The following MICAL1 variants were observed in gnomAD, a reference collection of about 807,000 sequenced individuals.
MICAL1 encodes the protein [F-actin]-monooxygenase MICAL1.
MICAL1 carries 95 observed loss-of-function variants against 131.8 expected under a neutral mutation model. The observed-to-expected ratio is 0.72, with a 90% confidence interval of 0.61 to 0.86. MICAL1 has a LOEUF of 0.86. Among genes scored for constraint, MICAL1 ranks in the 40% least tolerant of loss-of-function variants. The probability of loss-of-function intolerance (pLI) is 0.00; values close to 1 mark genes in which losing one functional copy is unlikely to be tolerated. For synonymous variants in MICAL1, 546 were observed against 554.2 expected (o/e 0.99, Z 0.21); for missense variants, 1,292 against 1,380.6 (o/e 0.94, Z 1.02).
In MICAL1 at chr6:109,452,100, G is replaced by GACAGGTTAA. The variant is rs2115336651; in HGVS notation, c.832+145_832+146insTTAACCTGT. 6 of 1,440,980 alleles carry GACAGGTTAA rather than the reference G, an allele frequency of 4.2e-6. No individual in the cohort carries two copies. In the East Asian group the frequency reaches 1.5e-4, roughly 35 times the overall value. The allele number at this position is 1,440,980 out of a possible 1,614,324, so 89.3% of individuals were successfully genotyped here. ...GCTGTGCTTGCTTAATCCCTGAGGG[G>GACAGGTTAA]ACAGGTTCCTTCTCCTTTGCTGCTG... On this transcript the variant is annotated intron_variant, in intron 6 of 24. Transcript: ENST00000358807.
At chr6:109,445,050 G>A in intron 22 of MICAL1, 55 bp from the exon 23 acceptor site, 1 of 1,595,814 alleles carries the variant, frequency 6.3e-7, no homozygotes, top group Middle Eastern at 1.8e-4. Flanking sequence ...CAGCACCACA[G>A]GAGTTACAGG....
At chr6:109,447,567 G>T (rs1270174570) in intron 15 of MICAL1, 114 bp downstream of exon 15, 12 of 1,544,370 alleles carry the variant, frequency 7.8e-6, no homozygotes, top group South Asian at 1.1e-5. Context: ...TGGATGGGGG[G>T]GTTACAGGAC....
chr6:109,458,123 GAAAA>G (rs34496161), upstream of MICAL1, among the ~76,000 whole-genome samples: 4 of 137,426 alleles, frequency 2.9e-5, no homozygotes, highest in Admixed American at 7.2e-5. Flanking sequence ...TTTCTTCCAA[GAAAA>G]AAAAAAAAAA....
Position 109,444,155 on chromosome 6 carries a change from T to G in MICAL1, c.*36A>C, listed in dbSNP as rs759787505. The G allele has an allele frequency of 7.5e-6, 12 of 1,601,044 alleles. No homozygotes were observed. In the South Asian group the frequency reaches 1.2e-4, roughly 16 times the overall value. ...GGCACTGTGCTGGGGTGAGGTGCTT[T>G]CTTTGTGGGAACGAAAGCAGACGGC... On this transcript the variant is annotated 3_prime_UTR_variant, in exon 25 of 25. Coordinates refer to ENST00000358807, the MANE Select transcript of MICAL1 (RefSeq NM_022765.4).
upstream of MICAL1, among the ~76,000 whole-genome samples, chr6:109,459,642 T>TA (rs1462807191): frequency 1.3e-5 from 2 of 152,190 alleles, no homozygotes; most frequent in African/African-American, 4.8e-5. Flanking sequence ...TATGATTTCA[T>TA]AGATTCTGAG....
Position 109,444,906 on chromosome 6 carries a change from G to C in MICAL1, c.2971C>G (p.Leu991Val). Residue 991 changes from leucine to valine, a missense_variant, in exon 23 of 25, where the codon CTC (leucine) becomes GTC (valine). By Grantham distance (32) the Leu-to-Val change is conservative. Coordinates refer to ENST00000358807, the MANE Select transcript of MICAL1 (RefSeq NM_022765.4). ...KNSLVAEEAE[L>V]MITVQELNLE... The stretch of plus-strand genomic sequence containing the variant: ...TCCCCTTCCCCTTACGTGATCATGA[G>C]CTCGGCCTCCTCAGCCACCAGGCTG... 1 of 1,614,180 alleles carries C rather than the reference G, an allele frequency of 6.2e-7. No individual in the cohort carries two copies. The highest frequency in any genetic ancestry group is 8.5e-7 in the Non-Finnish European group (1 of 1,180,038).
chr6:109,452,540 G>A lies in MICAL1; in HGVS notation c.647C>T (p.Ser216Leu), dbSNP rs1289209410. 3.7e-6 allele frequency: 6 copies of A among 1,614,042 alleles called. No individual in the cohort carries two copies. The South Asian group carries it at 4.4e-5, about 12-fold the overall frequency. ...LANYEFDVLI[S>L]AAGGKFVPEG... ...AGGGACGAATTTACCTCCTGCAGCCGAGATAAGGACGTCAAATTCATAGTT... is the reference window on the plus strand; with the variant it reads ...AGGGACGAATTTACCTCCTGCAGCCAAGATAAGGACGTCAAATTCATAGTT... The change falls in exon 5 of 25, where the codon TCG becomes TTG. Residue 216 changes from serine (S) to leucine (L), a missense_variant. Transcript: ENST00000358807.
chr6:109,463,868 C>T (rs1014647086), intron 1 of MICAL1: 4 of 152,148 alleles, frequency 2.6e-5, no homozygotes, highest in East Asian at 3.8e-4. Context: ...GCTACTAGAA[C>T]ATTTAAAGTG....
intron 22 of MICAL1, 69 bp from the exon 23 acceptor site, chr6:109,445,064 AG>A: frequency 6.3e-7 from 1 of 1,583,970 alleles, no homozygotes. Context: ...TTACAGGCTT[AG>A]GGGAGACAGG....
upstream of MICAL1, among the ~76,000 whole-genome samples, chr6:109,456,641 C>T (rs1478080390): frequency 6.6e-6 from 1 of 152,140 alleles, no homozygotes; most frequent in Non-Finnish European, 1.5e-5. Context: ...CTGGAGAGGC[C>T]TTTGGGATCA....
At chr6:109,448,943 C>T (rs1775380296) in intron 11 of MICAL1, 64 bp from the exon 12 acceptor site, 6 of 1,590,224 alleles carry the variant, frequency 3.8e-6, no homozygotes, top group Admixed American at 3.4e-5. Flanking sequence ...ATAGGGAGCC[C>T]AGCTGCTGCA....
rs191104503 is a variant in MICAL1, at chr6:109,445,976, T to C, written c.2582-114A>G. On this transcript the variant is annotated intron_variant, in intron 19 of 24. Coordinates refer to ENST00000358807, the MANE Select transcript of MICAL1 (RefSeq NM_022765.4). ...GTCTGGTAAAGACTGAATGTATGTGTTGGGGCATGGGAGGAACTGAGAAGA... is the reference window on the plus strand; with the variant it reads ...GTCTGGTAAAGACTGAATGTATGTGCTGGGGCATGGGAGGAACTGAGAAGA... 757 of 1,502,534 alleles carry C rather than the reference T, an allele frequency of 5.0e-4. 1 individual carries two copies. The African/African-American group carries it at 9.6e-3, about 19-fold the overall frequency. The allele number at this position is 1,502,534 out of a possible 1,614,324, so 93.1% of individuals were successfully genotyped here.
chr6:109,444,106 C>T lies in MICAL1; in HGVS notation c.*85G>A. The T allele has an allele frequency of 1.3e-6, 2 of 1,536,540 alleles. No individual in the cohort carries two copies. Among genetic ancestry groups the T allele is most frequent in the Non-Finnish European group, 1.7e-6 (2 of 1,147,638 alleles). On this transcript the variant is annotated 3_prime_UTR_variant, in exon 25 of 25. Coordinates refer to ENST00000358807, the MANE Select transcript of MICAL1 (RefSeq NM_022765.4). ...AATTGTAAACAGCAAGGCTCTCTGCCAGGCAGCCCAGATGAACAGGGGTGG... is the reference window on the plus strand; with the variant it reads ...AATTGTAAACAGCAAGGCTCTCTGCTAGGCAGCCCAGATGAACAGGGGTGG...
chr6:109,456,742 T>C (rs1403736501), upstream of MICAL1, among the ~76,000 whole-genome samples: 1 of 152,192 alleles, frequency 6.6e-6, no homozygotes, highest in Non-Finnish European at 1.5e-5. Flanking sequence ...CATCGTCTCA[T>C]TTATTGACCG....
upstream of MICAL1, among the ~76,000 whole-genome samples, chr6:109,459,743 T>C (rs373747205): frequency 7.5e-4 from 114 of 152,356 alleles, no homozygotes; most frequent in South Asian, 0.012. Context: ...ATTTTTGTAA[T>C]AAGACTGCCT....
In MICAL1 at chr6:109,446,227, T is replaced by C. The variant is rs752374975; in HGVS notation, c.2490A>G (p.Pro830=). The part of the protein sequence containing the change: ...NLTPDPEMEP[P]PKPPRSCSAL... ...CGGAGCAGCTGCGGGGAGGCTTGGG[T>C]GGAGGCTCCATTTCCGGGTCAGGGG... Residue 830 remains proline (P), a synonymous_variant, in exon 19 of 25, where the codon CCA becomes CCG. Transcript: ENST00000358807. 6.2e-7 allele frequency: 1 copy of C among 1,605,210 alleles called. No homozygotes were observed. Among genetic ancestry groups the C allele is most frequent in the South Asian group, 1.1e-5 (1 of 90,248 alleles).
intron 1 of MICAL1, chr6:109,464,521 G>C (rs188618016): frequency 1.8e-3 from 276 of 152,280 alleles, no homozygotes; most frequent in African/African-American, 6.4e-3. Context: ...AGTGGTAAAA[G>C]AATTCAATAA....
intron 1 of MICAL1, among the ~76,000 whole-genome samples, chr6:109,460,925 C>CCAGT (rs1467559593): frequency 6.6e-6 from 1 of 152,146 alleles, no homozygotes; most frequent in African/African-American, 2.4e-5. Flanking sequence ...TTTCACCTTA[C>CCAGT]CAGTAACTTT....
In MICAL1 at chr6:109,452,594, A is replaced by G. The variant is rs1299930849; in HGVS notation, c.593T>C (p.Leu198Pro). The G allele has an allele frequency of 1.9e-6, 3 of 1,612,450 alleles. No homozygotes were observed. The highest frequency in any genetic ancestry group is 2.5e-6 in the Non-Finnish European group (3 of 1,179,722). ...PRKGSGWRAQ[L>P]QPNPPAQLAN... ...CAGCTGGGCAGGGGGGTTGGGTTGG[A>G]GCTGGGCACGCCAGCCACTCCCTAG... The change falls in exon 5 of 25, where the codon CTC becomes CCC. Residue 198 changes from leucine (L) to proline (P), a missense_variant. Physicochemically the swap from Leu to Pro is moderately conservative, Grantham distance 98. Transcript: ENST00000358807.
Sources: gnomAD v4.1 joint callset for allele counts (sites outside exome capture counted in the v4.1 genomes callset) on GRCh38, gnomAD v4.1.1 for gene constraint, MANE v1.5 for transcripts, NCBI Gene and HGNC (gene_info 2026-07-23, HGNC 2026-07-21) for gene names.